The following RP1L1 variants were observed in gnomAD, a reference collection of about 807,000 sequenced individuals.
The protein encoded by RP1L1 is RP1 like 1, also known as retinitis pigmentosa 1-like 1 protein.
A neutral mutation model predicts 15.7 loss-of-function variants in RP1L1; 27 were observed. The ratio of observed to expected loss-of-function variants is 1.72; its 90% CI spans 1.27 to 2.38. The LOEUF (loss-of-function observed/expected upper bound fraction) is 2.38. RP1L1 is among the 30% of genes most tolerant of loss of function. The pLI is 0.00. For synonymous variants in RP1L1, 1,813 were observed against 1,276.7 expected, an observed-to-expected ratio of 1.42 and a Z score of -8.96; for missense variants, 4,798 against 3,075.9, an observed-to-expected ratio of 1.56 and a Z score of -13.24.
intron 1 of RP1L1, among the ~76,000 whole-genome samples, chr8:10,646,476 C>T (rs1344954816): frequency 1.3e-5 from 2 of 152,094 alleles, no homozygotes. Flanking sequence ...TTATTGGAGC[C>T]CACGAGAGGA....
chr8:10,642,719 G>T (rs1233380093), intron 1 of RP1L1, among the ~76,000 whole-genome samples: 1 of 152,190 alleles, frequency 6.6e-6, no homozygotes, highest in African/African-American at 2.4e-5. Context: ...ACTCCTTACA[G>T]AGCAAAGGAA....
At chr8:10,648,652 T>C (rs1182869431) in intron 1 of RP1L1, among the ~76,000 whole-genome samples, 1 of 152,184 alleles carries the variant, frequency 6.6e-6, no homozygotes, top group East Asian at 1.9e-4. Context: ...CCCCACGTCT[T>C]TGCCAGTAAA....
At position 10,606,696 on chromosome 8, in the gene RP1L1, G is replaced by A. The variant is rs12542075; in HGVS notation, c.*199C>T. ...CCTTTCTTCACACTGCGTGTGGGAC[G>A]GGCCGCAGAGCTCTCTGACACTTCT... On this transcript the variant is annotated 3_prime_UTR_variant, in exon 4 of 4. Transcript: ENST00000382483. The A allele has an allele frequency of 0.15, 125,908 of 842,952 alleles. 11,193 individuals are homozygous for A. Among genetic ancestry groups the A allele is most frequent in the South Asian group, 0.34 (18,632 of 54,876 alleles). 52.2% of individuals were successfully genotyped at this position (842,952 alleles called of 1,614,324 possible).
chr8:10,646,182 T>C (rs1393487696), intron 1 of RP1L1, among the ~76,000 whole-genome samples: 2 of 152,248 alleles, frequency 1.3e-5, no homozygotes, highest in Non-Finnish European at 2.9e-5. Context: ...GAGAGCCTGC[T>C]GTGCCGAGGA....
At chr8:10,640,709 A>G (rs1798394380) in intron 1 of RP1L1, among the ~76,000 whole-genome samples, 1 of 151,692 alleles carries the variant, frequency 6.6e-6, no homozygotes, top group Non-Finnish European at 1.5e-5. Flanking sequence ...CATCATCTAT[A>G]AGGTGTAGGA....
Position 10,608,949 on chromosome 8 carries a change from G to T in RP1L1, c.5149C>A (p.Pro1717Thr). Residue 1717 changes from proline (P) to threonine (T), a missense_variant, in exon 4 of 4, where the codon CCC becomes ACC. Coordinates refer to ENST00000382483, the MANE Select transcript of RP1L1 (RefSeq NM_178857.6). Reference sequence around the variant, plus strand: ...CCCTGGACAGTCCTAGTGCTCGTGGGGTCCGTGTGGGTCTTGCCAGGGGCC... The same window carrying T: ...CCCTGGACAGTCCTAGTGCTCGTGGTGTCCGTGTGGGTCTTGCCAGGGGCC... ...EVAPGKTHTD[P>T]TSTRTVQGAE... 1 of 1,613,810 alleles carries T rather than the reference G, an allele frequency of 6.2e-7. No homozygotes were observed. The highest frequency in any genetic ancestry group is 8.5e-7 in the Non-Finnish European group (1 of 1,179,774).
At chr8:10,616,758 C>T (rs916169585) in intron 2 of RP1L1, among the ~76,000 whole-genome samples, 171 bp from the exon 3 acceptor site, 1 of 152,180 alleles carries the variant, frequency 6.6e-6, no homozygotes, top group African/African-American at 2.4e-5. Flanking sequence ...ACACCTCTAT[C>T]ACTAGCTGGA....
rs1206556850 is a variant in RP1L1, at chr8:10,607,675, G to A, written c.6423C>T (p.Ala2141=). 3 of 1,584,322 alleles carry A rather than the reference G, an allele frequency of 1.9e-6. No individual in the cohort carries two copies. The highest frequency in any genetic ancestry group is 1.7e-6 in the Non-Finnish European group (2 of 1,164,424). Reference sequence around the variant, plus strand: ...CCTCTACACCTTCTGACTCAGGCTGGGCCTCCCCTTCAGCCTCTGGGGCCT... The same window carrying A: ...CCTCTACACCTTCTGACTCAGGCTGAGCCTCCCCTTCAGCCTCTGGGGCCT... ...GIEAPEAEGE[A]QPESEGVEAQ... Residue 2141 remains alanine, a synonymous_variant, in exon 4 of 4, where the codon GCC becomes GCT. Transcript: ENST00000382483.
intron 1 of RP1L1, among the ~76,000 whole-genome samples, chr8:10,648,702 C>T (rs1333339481): frequency 1.3e-5 from 2 of 152,204 alleles, no homozygotes; most frequent in African/African-American, 4.8e-5. Context: ...ATCCAGTTGG[C>T]CTTGCCATTC....
intron 1 of RP1L1, among the ~76,000 whole-genome samples, chr8:10,629,864 G>A (rs1419966564): frequency 6.6e-6 from 1 of 152,118 alleles, no homozygotes; most frequent in Non-Finnish European, 1.5e-5. Flanking sequence ...CATTCTGCCT[G>A]GCATTAGTGG....
intron 1 of RP1L1, among the ~76,000 whole-genome samples, chr8:10,639,821 C>T (rs1043095228): frequency 2.6e-5 from 4 of 152,160 alleles, no homozygotes; most frequent in Non-Finnish European, 5.9e-5. Context: ...AAGATGAATG[C>T]CGTTTAACTC....
chr8:10,622,713 G>T lies in RP1L1; in HGVS notation c.489C>A (p.Arg163=), dbSNP rs201167741. The T allele has an allele frequency of 2.4e-3, 3,953 of 1,614,166 alleles. 5 individuals are homozygous for T. The highest frequency in any genetic ancestry group is 3.1e-3 in the Non-Finnish European group (3,637 of 1,180,022). Residue 163 remains arginine (R), a synonymous_variant, in exon 2 of 4, where the codon CGC becomes CGA. Coordinates refer to ENST00000382483, the MANE Select transcript of RP1L1 (RefSeq NM_178857.6). ...GACTGAGAACCACTGTCTGCTGGAG[G>T]CGAGGGTCCATGTTCTTAATCAGCA... The part of the protein sequence containing the change: ...RILLIKNMDP[R]LQQTVVLSHR...
At chr8:10,642,552 TCA>T (rs1798422495) in intron 1 of RP1L1, among the ~76,000 whole-genome samples, 1 of 152,230 alleles carries the variant, frequency 6.6e-6, no homozygotes, top group Non-Finnish European at 1.5e-5. Flanking sequence ...ATGCCAATGA[TCA>T]CAGAGACATC....
chr8:10,654,840 C>T (rs552499672), intron 1 of RP1L1, 58 bp downstream of exon 1: 1 of 152,868 alleles, frequency 6.5e-6, no homozygotes, highest in Non-Finnish European at 1.5e-5. Flanking sequence ...AGAGCCAAGA[C>T]TCTCTGCCCC....
chr8:10,628,050 C>T (rs1401721092), intron 1 of RP1L1, among the ~76,000 whole-genome samples: 1 of 152,192 alleles, frequency 6.6e-6, no homozygotes, highest in Non-Finnish European at 1.5e-5. Context: ...CACCAAGGTC[C>T]TCACTCTTTA....
intron 1 of RP1L1, among the ~76,000 whole-genome samples, chr8:10,625,725 G>C (rs936713340): frequency 6.6e-6 from 1 of 152,184 alleles, no homozygotes; most frequent in Non-Finnish European, 1.5e-5. Flanking sequence ...CCCCGGCTGT[G>C]GACAGGACCA....
rs1797786368 is a variant in RP1L1, at chr8:10,609,519, C to G, written c.4579G>C (p.Glu1527Gln). Residue 1527 changes from glutamate to glutamine, a missense_variant, in exon 4 of 4, where the codon GAG becomes CAG. Physicochemically the swap from Glu to Gln is conservative, Grantham distance 29. Transcript: ENST00000382483. Reference protein sequence around the residue: ...IWVSVLLKKTEKAFLAHLASA... With the variant: ...IWVSVLLKKTQKAFLAHLASA... Reference sequence around the variant, plus strand: ...GCAAGGTGGGCCAGGAAGGCCTTCTCCGTCTTCTTCAGTAACACGGACACC... The same window carrying G: ...GCAAGGTGGGCCAGGAAGGCCTTCTGCGTCTTCTTCAGTAACACGGACACC... 3 of 1,608,746 alleles carry G rather than the reference C, an allele frequency of 1.9e-6. No individual in the cohort carries two copies. The South Asian group carries it at 3.3e-5, about 18-fold the overall frequency.
rs140813306 is a variant in RP1L1 at position 10,620,742 on chromosome 8, G to A, written c.609+1851C>T. 3.4e-3 allele frequency among the ~76,000 whole-genome samples: 513 copies of A among 152,322 alleles called. 2 individuals carry two copies. Among genetic ancestry groups the A allele is most frequent in the African/African-American group, 0.012 (482 of 41,576 alleles). On this transcript the variant is annotated intron_variant, in intron 2 of 3. Transcript: ENST00000382483. ...TGTGTTGGCTGGGGTGGCTGGTTCT[G>A]ATTGTCTAAGGGGGAAATAGGGCTA...
intron 1 of RP1L1, among the ~76,000 whole-genome samples, chr8:10,640,650 C>G (rs1798393180): frequency 6.6e-6 from 1 of 150,980 alleles, no homozygotes; most frequent in African/African-American, 2.4e-5. Context: ...GAGACTCCAT[C>G]TCAAAATAAT....
Sources: gnomAD v4.1 joint callset for allele counts (sites outside exome capture counted in the v4.1 genomes callset) on GRCh38, gnomAD v4.1.1 for gene constraint, MANE v1.5 for transcripts, NCBI Gene and HGNC (gene_info 2026-07-23, HGNC 2026-07-21) for gene names.